TASP1: variants seen among roughly 807,000 people sequenced by gnomAD.
TASP1 encodes the protein threonine aspartase 1.
In TASP1, 16 loss-of-function variants were observed where a neutral mutation model predicts 56.6. The observed-to-expected ratio is 0.28, with a 90% CI of 0.19 to 0.43. The LOEUF (loss-of-function observed/expected upper bound fraction) is 0.43. Among genes scored for constraint, TASP1 ranks in the 20% least tolerant of loss-of-function variants. TASP1 has a pLI of 1.00. For synonymous variants in TASP1, 179 were observed against 184.2 expected, an observed-to-expected ratio of 0.97 and a Z score of 0.23; for missense variants, 393 against 511.6, an observed-to-expected ratio of 0.77 and a Z score of 2.24.
chr20:13,171,316 T>G, the TASP1 span, among the ~76,000 whole-genome samples: 1 of 152,222 alleles, frequency 6.6e-6, no homozygotes, highest in Non-Finnish European at 1.5e-5. Context: ...AATAGGTTTC[T>G]TTCATATATA....
rs57939449 is a variant in TASP1 at position 13,523,701 on chromosome 20, G to A, written c.874+4732C>T. The stretch of plus-strand genomic sequence containing the variant: ...GCAAGTCCTGACCACAACCCTCTCC[G>A]TCCTCAGGTTTCTAGAAATGCCCAG... On this transcript the variant is annotated intron_variant, in intron 10 of 13. Coordinates refer to ENST00000337743, the MANE Select transcript of TASP1 (RefSeq NM_017714.3). Among the ~76,000 whole-genome samples the A allele has an allele frequency of 8.4e-3, 1,276 of 152,144 alleles. 15 individuals are homozygous for A. The highest frequency in any genetic ancestry group is 0.029 in the African/African-American group (1,210 of 41,510).
the TASP1 span, among the ~76,000 whole-genome samples, chr20:13,372,457 A>G: frequency 1.8e-4 from 27 of 151,938 alleles, no homozygotes; most frequent in African/African-American, 6.5e-4. Context: ...GCTAGGTTTT[A>G]TATTCATTTG....
the TASP1 span, among the ~76,000 whole-genome samples, chr20:13,248,953 T>C: frequency 5.3e-5 from 8 of 152,190 alleles, no homozygotes; most frequent in African/African-American, 1.9e-4. Context: ...GTGCTGTAAC[T>C]TCTTAAGCGG....
the TASP1 span, among the ~76,000 whole-genome samples, chr20:13,194,804 AT>A: frequency 6.6e-6 from 1 of 152,102 alleles, no homozygotes; most frequent in Non-Finnish European, 1.5e-5. Context: ...ATCCTAATTG[AT>A]CGATCACATG....
the TASP1 span, among the ~76,000 whole-genome samples, chr20:13,340,161 T>C: frequency 1.3e-5 from 2 of 152,202 alleles, no homozygotes; most frequent in Admixed American, 6.5e-5. Flanking sequence ...CAAAAAAACA[T>C]CTGGGGAGAT....
intron 12 of TASP1, among the ~76,000 whole-genome samples, chr20:13,419,936 T>C (rs1331880026): frequency 6.6e-6 from 1 of 152,206 alleles, no homozygotes; most frequent in Non-Finnish European, 1.5e-5. Context: ...TTCAAAAATC[T>C]TGACATCCAG....
At chr20:13,448,048 A>G (rs2043476098) in intron 11 of TASP1, among the ~76,000 whole-genome samples, 2 of 152,130 alleles carry the variant, frequency 1.3e-5, no homozygotes, top group African/African-American at 4.8e-5. Flanking sequence ...GGTCTTCCCT[A>G]ATCAAAAATT....
At chr20:13,528,163 C>T (rs1373806219) in intron 10 of TASP1, among the ~76,000 whole-genome samples, 7 of 130,166 alleles carry the variant, frequency 5.4e-5, no homozygotes, top group African/African-American at 2.0e-4. Flanking sequence ...GCAGAAATTG[C>T]AGTGAGCCAA....
chr20:13,551,294 T>C (rs968928540), intron 8 of TASP1, among the ~76,000 whole-genome samples: 3 of 152,144 alleles, frequency 2.0e-5, no homozygotes, highest in African/African-American at 7.2e-5. Flanking sequence ...CATTTCACTA[T>C]CCCATGTAAG....
At chr20:13,221,494 C>T in the TASP1 span, among the ~76,000 whole-genome samples, 12 of 143,830 alleles carry the variant, frequency 8.3e-5, no homozygotes, top group Admixed American at 6.8e-4. Context: ...CAGGCAGCGC[C>T]GGGGCTTGCT....
chr20:13,295,017 G>A, the TASP1 span, among the ~76,000 whole-genome samples: 20 of 152,092 alleles, frequency 1.3e-4, no homozygotes, highest in Middle Eastern at 6.8e-3. Context: ...TCTCTTCCTC[G>A]TTCTATTGAT....
At chr20:13,501,998 G>C (rs747564236) in intron 10 of TASP1, among the ~76,000 whole-genome samples, 1 of 151,860 alleles carries the variant, frequency 6.6e-6, no homozygotes, top group Non-Finnish European at 1.5e-5. Context: ...CAATCTAAAT[G>C]TGTGTACACT....
the TASP1 span, chr20:13,168,721 A>G: frequency 6.6e-6 from 1 of 152,192 alleles, no homozygotes. Flanking sequence ...ATACATTTTG[A>G]TTTATAGCAA....
At chr20:13,496,288 C>G (rs1243980529) in intron 10 of TASP1, among the ~76,000 whole-genome samples, 1 of 152,150 alleles carries the variant, frequency 6.6e-6, no homozygotes, top group African/African-American at 2.4e-5. Context: ...CTCCTGACCT[C>G]AGGTGATCCA....
chr20:13,601,309 A>G (rs1390569498), intron 4 of TASP1, among the ~76,000 whole-genome samples: 1 of 152,108 alleles, frequency 6.6e-6, no homozygotes, highest in Non-Finnish European at 1.5e-5. Context: ...AGCCTGGAGC[A>G]TCTTATACTA....
intron 11 of TASP1, among the ~76,000 whole-genome samples, chr20:13,449,519 C>T (rs2043537475): frequency 6.6e-6 from 1 of 152,048 alleles, no homozygotes; most frequent in African/African-American, 2.4e-5. Flanking sequence ...GCTTTGTGTA[C>T]TCTCATTAAC....
At chr20:13,384,697 C>A (rs1484427887), downstream of TASP1, among the ~76,000 whole-genome samples, 4 of 152,150 alleles carry the variant, frequency 2.6e-5, no homozygotes, top group Non-Finnish European at 5.9e-5. Context: ...CCATTCACTC[C>A]CCCTATAGCC....
chr20:13,126,021 C>T, the TASP1 span, among the ~76,000 whole-genome samples: 4 of 152,302 alleles, frequency 2.6e-5, no homozygotes, highest in South Asian at 2.1e-4. Context: ...CCTCCCTCCA[C>T]GTTTTCTTTT....
rs117237433 is a variant in TASP1, at chr20:13,570,880, C to T, written c.489-1294G>A. 3.2e-3 allele frequency among the ~76,000 whole-genome samples: 492 copies of T among 151,782 alleles called. 2 individuals are homozygous for T. The highest frequency in any genetic ancestry group is 0.012 in the East Asian group (60 of 5,148). On this transcript the variant is annotated intron_variant, in intron 6 of 13. Coordinates refer to ENST00000337743, the MANE Select transcript of TASP1 (RefSeq NM_017714.3). ...ATGGCATTTTTAGCATTTCCTTCTT[C>T]TAGGAAAAAAAAACTGATAAAAGAA...
Sources: gnomAD v4.1 joint callset for allele counts (sites outside exome capture counted in the v4.1 genomes callset) on GRCh38, gnomAD v4.1.1 for gene constraint, MANE v1.5 for transcripts, NCBI Gene and HGNC (gene_info 2026-07-23, HGNC 2026-07-21) for gene names.